Variants in ROBO2 observed in about 807,000 individuals in gnomAD.
The protein encoded by ROBO2 is roundabout homolog 2.
In ROBO2, 53 loss-of-function variants were observed where a neutral mutation model predicts 160.8. The observed-to-expected ratio is 0.33, with a 90% confidence interval of 0.26 to 0.41. ROBO2 has a LOEUF of 0.41. ROBO2 is among the 10% of genes least tolerant of loss of function. ROBO2 has a pLI of 1.00. For synonymous variants in ROBO2, 664 were observed against 611.7 expected, an observed-to-expected ratio of 1.09 and a Z score of -1.26; for missense variants, 1,577 against 1,722.4, an observed-to-expected ratio of 0.92 and a Z score of 1.49.
chr3:77,555,989 C>A (rs927409672), intron 8 of ROBO2, among the ~76,000 whole-genome samples: 1 of 151,736 alleles, frequency 6.6e-6, no homozygotes, highest in Admixed American at 6.6e-5. Context: ...AATTAGATGA[C>A]CTTTGGCTGC....
At chr3:75,988,428 A>G (rs2065475088) in intron 2 of ROBO2, among the ~76,000 whole-genome samples, 1 of 151,940 alleles carries the variant, frequency 6.6e-6, no homozygotes, top group African/African-American at 2.4e-5. Flanking sequence ...TTTTAAGTCA[A>G]TCTAGCTAAA....
chr3:77,397,427 C>T (rs991955662), intron 2 of ROBO2, among the ~76,000 whole-genome samples: 2 of 152,190 alleles, frequency 1.3e-5, no homozygotes, highest in African/African-American at 4.8e-5. Flanking sequence ...AGAACAATCC[C>T]GTCTTCATGA....
intron 2 of ROBO2, among the ~76,000 whole-genome samples, chr3:76,107,666 G>C (rs1268730279): frequency 6.6e-6 from 1 of 152,060 alleles, no homozygotes; most frequent in Non-Finnish European, 1.5e-5. Context: ...TTAAGGTACA[G>C]ACATGTTCAA....
chr3:77,159,200 T>G (rs2150594443), intron 2 of ROBO2, among the ~76,000 whole-genome samples: 1 of 152,258 alleles, frequency 6.6e-6, no homozygotes, highest in South Asian at 2.1e-4. Context: ...GGTCCTGTAA[T>G]GTCTGCAGCT....
At chr3:77,063,345 G>T (rs1198867031) in intron 1 of ROBO2, among the ~76,000 whole-genome samples, 1 of 152,152 alleles carries the variant, frequency 6.6e-6, no homozygotes, top group Non-Finnish European at 1.5e-5. Context: ...AGATGGTAAG[G>T]AATAAAATAG....
chr3:77,455,987 T>C (rs776229411), intron 2 of ROBO2, among the ~76,000 whole-genome samples: 43 of 152,160 alleles, frequency 2.8e-4, no homozygotes, highest in Non-Finnish European at 4.9e-4. Flanking sequence ...TTATTAAAAA[T>C]GAATTATCAA....
chr3:76,716,586 C>A (rs699455), intron 2 of ROBO2, among the ~76,000 whole-genome samples: 55,537 of 151,966 alleles, frequency 0.37, 11,365 homozygotes, highest in Non-Finnish European at 0.47. Context: ...TGTGCTAGAG[C>A]AAGAAAGAAA....
At chr3:77,133,966 T>C (rs1438946273) in intron 2 of ROBO2, among the ~76,000 whole-genome samples, 2 of 152,086 alleles carry the variant, frequency 1.3e-5, no homozygotes, top group Non-Finnish European at 2.9e-5. Context: ...AATTGTATCA[T>C]AGAAACATAA....
chr3:76,206,113 C>T (rs1170328212), intron 2 of ROBO2, among the ~76,000 whole-genome samples: 2 of 151,798 alleles, frequency 1.3e-5, no homozygotes, highest in Admixed American at 6.6e-5. Flanking sequence ...TCGTACAATT[C>T]CCCACTCTTA....
At chr3:76,249,125 A>G (rs967923400) in intron 2 of ROBO2, among the ~76,000 whole-genome samples, 1 of 152,100 alleles carries the variant, frequency 6.6e-6, no homozygotes, top group Admixed American at 6.6e-5. Context: ...GTAGTTAATA[A>G]TTATACTTGA....
intron 2 of ROBO2, among the ~76,000 whole-genome samples, chr3:77,451,179 A>G (rs2081075880): frequency 1.3e-5 from 2 of 152,148 alleles, no homozygotes; most frequent in South Asian, 4.1e-4. Context: ...ATTTTCTTCA[A>G]TAGCTTAAAA....
intron 2 of ROBO2, among the ~76,000 whole-genome samples, chr3:77,174,723 T>A (rs1038159379): frequency 7.2e-5 from 11 of 152,078 alleles, no homozygotes; most frequent in Admixed American, 6.6e-4. Flanking sequence ...TCGAAACCTG[T>A]CAAATAGCTA....
At chr3:76,804,685 T>C (rs2064530909) in intron 2 of ROBO2, among the ~76,000 whole-genome samples, 1 of 152,200 alleles carries the variant, frequency 6.6e-6, no homozygotes, top group African/African-American at 2.4e-5. Context: ...TTCTTCCCCT[T>C]GTTTAGACTG....
chr3:76,537,291 A>C (rs560206474), intron 2 of ROBO2, among the ~76,000 whole-genome samples: 1 of 152,272 alleles, frequency 6.6e-6, no homozygotes, highest in Admixed American at 6.5e-5. Context: ...ATTTTTCGAC[A>C]AAAATTATCT....
chr3:76,283,152 A>ATATATATATATATATATATATATATAT (rs1198566368), intron 2 of ROBO2, among the ~76,000 whole-genome samples: 9 of 130,926 alleles, frequency 6.9e-5, no homozygotes, highest in African/African-American at 1.1e-4. Context: ...ATATATATAT[A>ATATATATATATATATATATATATATAT]AAACTACATA....
At chr3:77,318,979 T>C (rs1009477050) in intron 2 of ROBO2, among the ~76,000 whole-genome samples, 3 of 152,182 alleles carry the variant, frequency 2.0e-5, no homozygotes, top group African/African-American at 7.2e-5. Flanking sequence ...AAGTCTCTAT[T>C]TCTCCATTTA....
chr3:77,537,099 T>TGG (rs63352561), intron 6 of ROBO2, among the ~76,000 whole-genome samples: 52,014 of 125,312 alleles, frequency 0.42, 10,512 homozygotes, highest in Middle Eastern at 0.51. Flanking sequence ...ACATATTTTG[T>TGG]GGGGGGGGGG....
At chr3:76,276,119 C>T (rs1298432351) in intron 2 of ROBO2, among the ~76,000 whole-genome samples, 3 of 151,802 alleles carry the variant, frequency 2.0e-5, no homozygotes, top group South Asian at 2.1e-4. Flanking sequence ...TCAAGGTCTT[C>T]CTAAAGTACT....
At chr3:76,841,578 T>C (rs2068267687) in intron 2 of ROBO2, among the ~76,000 whole-genome samples, 1 of 152,060 alleles carries the variant, frequency 6.6e-6, no homozygotes, top group African/African-American at 2.4e-5. Flanking sequence ...GTACACGTAA[T>C]AAATCCAATT....
Sources: gnomAD v4.1 joint callset for allele counts (sites outside exome capture counted in the v4.1 genomes callset) on GRCh38, gnomAD v4.1.1 for gene constraint, MANE v1.5 for transcripts, NCBI Gene and HGNC (gene_info 2026-07-23, HGNC 2026-07-21) for gene names.